Variants in HSF2BP observed in about 807,000 individuals in gnomAD.
HSF2BP encodes heat shock factor 2-binding protein.
In HSF2BP, 35 loss-of-function variants were observed where a neutral mutation model predicts 35.0. That is an observed-to-expected ratio of 1.00 (90% confidence interval 0.76 to 1.32). The LOEUF is 1.32. Among genes scored for constraint, HSF2BP ranks in the 40% most tolerant of loss-of-function variants. The pLI is 0.00. For synonymous variants in HSF2BP, 114 were observed against 117.4 expected, an observed-to-expected ratio of 0.97 and a Z score of 0.18; for missense variants, 326 against 321.7, an observed-to-expected ratio of 1.01 and a Z score of -0.10.
intron 3 of HSF2BP, among the ~76,000 whole-genome samples, chr21:43,645,773 C>T (rs892195178): frequency 2.6e-5 from 4 of 152,012 alleles, no homozygotes; most frequent in Admixed American, 1.3e-4. Flanking sequence ...AAACGAGAAG[C>T]GGGTAGGGCT....
chr21:43,657,809 GGCGCCAC>G, intron 2 of HSF2BP: 5 of 983,730 alleles, frequency 5.1e-6, no homozygotes, highest in Non-Finnish European at 6.0e-6. Context: ...TGCCCGCTTT[GGCGCCAC>G]TGAGTGCCCC....
At chr21:43,626,637 A>AT (rs1320473103) in intron 6 of HSF2BP, among the ~76,000 whole-genome samples, 2 of 152,206 alleles carry the variant, frequency 1.3e-5, no homozygotes, top group African/African-American at 4.8e-5. Context: ...GTCTCTGCCT[A>AT]TATCAGTGAT....
At chr21:43,653,568 C>A (rs987438807) in intron 3 of HSF2BP, among the ~76,000 whole-genome samples, 2 of 152,138 alleles carry the variant, frequency 1.3e-5, no homozygotes, top group African/African-American at 4.8e-5. Flanking sequence ...TAATATAAAG[C>A]CTTTTAAGCC....
intron 7 of HSF2BP, among the ~76,000 whole-genome samples, chr21:43,596,906 G>T (rs1202479539): frequency 7.5e-6 from 1 of 133,748 alleles, no homozygotes; most frequent in Non-Finnish European, 1.6e-5. Context: ...AAAAAAAAAA[G>T]AGAATTTTTT....
At position 43,658,244 on chromosome 21, in the gene HSF2BP, G is replaced by T. The variant is rs2082908301; in HGVS notation, c.-148C>A. 1.1e-6 allele frequency: 1 copy of T among 935,712 alleles called. No individual in the cohort carries two copies. The highest frequency in any genetic ancestry group is 3.2e-5 in the Admixed American group (1 of 31,510). The allele number at this position is 935,712 out of a possible 1,614,324, so 58.0% of individuals were successfully genotyped here. The stretch of plus-strand genomic sequence containing the variant: ...TCCCAGAATTTGCGCAGTATTCTCG[G>T]CCTAGAGAGCGAGGAGTGGCCTTGG... On this transcript the variant is annotated 5_prime_UTR_variant, in exon 2 of 9. Coordinates refer to ENST00000291560, the MANE Select transcript of HSF2BP (RefSeq NM_007031.2).
chr21:43,617,773 G>A (rs559668446), intron 6 of HSF2BP, among the ~76,000 whole-genome samples: 10 of 152,018 alleles, frequency 6.6e-5, no homozygotes, highest in Non-Finnish European at 8.8e-5. Context: ...GGCCAACATG[G>A]AGAAACCCCA....
At chr21:43,588,075 T>C (rs13339951) in intron 8 of HSF2BP, among the ~76,000 whole-genome samples, 6,822 of 152,204 alleles carry the variant, frequency 0.045, 519 homozygotes, top group African/African-American at 0.15. Context: ...GTCAACTAAA[T>C]GTGAGAAGTC....
intron 5 of HSF2BP, among the ~76,000 whole-genome samples, chr21:43,632,082 T>C (rs1380864702): frequency 9.1e-5 from 1 of 10,964 alleles, no homozygotes; most frequent in Non-Finnish European, 1.6e-4. Context: ...ATACACACGC[T>C]CCCACACACA....
chr21:43,626,107 C>T (rs768542847), intron 6 of HSF2BP, among the ~76,000 whole-genome samples: 3 of 152,278 alleles, frequency 2.0e-5, no homozygotes, highest in South Asian at 4.1e-4. Flanking sequence ...CCATGATGAA[C>T]GTATAGAATG....
At chr21:43,624,718 C>G (rs950088969) in intron 6 of HSF2BP, among the ~76,000 whole-genome samples, 1 of 152,128 alleles carries the variant, frequency 6.6e-6, no homozygotes, top group Admixed American at 6.5e-5. Flanking sequence ...AATACATAAA[C>G]CAGAGACAAG....
chr21:43,595,009 C>A (rs564831324), intron 7 of HSF2BP, among the ~76,000 whole-genome samples: 53 of 152,114 alleles, frequency 3.5e-4, no homozygotes, highest in Admixed American at 5.9e-4. Flanking sequence ...ACCTGTAATC[C>A]CAGCACTTTG....
chr21:43,618,560 C>A (rs1434755198), intron 6 of HSF2BP, among the ~76,000 whole-genome samples: 1 of 152,086 alleles, frequency 6.6e-6, no homozygotes, highest in East Asian at 1.9e-4. Flanking sequence ...AACTGGATAT[C>A]CACATGCAAA....
intron 4 of HSF2BP, among the ~76,000 whole-genome samples, chr21:43,633,841 T>C (rs1309079646): frequency 6.6e-6 from 1 of 152,150 alleles, no homozygotes; most frequent in Non-Finnish European, 1.5e-5. Context: ...GCTCACTCCA[T>C]TGAAAAAACG....
intron 8 of HSF2BP, among the ~76,000 whole-genome samples, chr21:43,591,691 A>C (rs1221582697): frequency 6.6e-6 from 1 of 152,220 alleles, no homozygotes; most frequent in Non-Finnish European, 1.5e-5. Context: ...CCACAGTTTC[A>C]CTTAGCCAGT....
At chr21:43,657,775 G>GT (rs2082895377) in intron 2 of HSF2BP, 3 of 914,110 alleles carry the variant, frequency 3.3e-6, no homozygotes, top group Non-Finnish European at 3.9e-6. Context: ...AGAGAAGAGA[G>GT]TGACCATCCA....
chr21:43,606,212 T>C (rs1313283005), intron 7 of HSF2BP, among the ~76,000 whole-genome samples: 1 of 151,816 alleles, frequency 6.6e-6, no homozygotes, highest in African/African-American at 2.4e-5. Flanking sequence ...AGAAAGGACA[T>C]AGAAGAGGAT....
At chr21:43,595,866 A>G (rs2081980637) in intron 7 of HSF2BP, among the ~76,000 whole-genome samples, 1 of 149,044 alleles carries the variant, frequency 6.7e-6, no homozygotes, top group Admixed American at 6.8e-5. Flanking sequence ...CTGGGATTAC[A>G]GGCATATGCC....
chr21:43,640,178 G>T (rs2082617100), intron 4 of HSF2BP, among the ~76,000 whole-genome samples: 1 of 152,194 alleles, frequency 6.6e-6, no homozygotes, highest in African/African-American at 2.4e-5. Flanking sequence ...ACATGTGCCT[G>T]TGGACCTAGC....
chr21:43,589,146 C>T (rs1410306032), intron 8 of HSF2BP, among the ~76,000 whole-genome samples: 3 of 152,180 alleles, frequency 2.0e-5, no homozygotes, highest in Non-Finnish European at 4.4e-5. Context: ...GAACCCCAAG[C>T]TCTGGCTGAA....
Sources: allele counts gnomAD v4.1 joint callset (sites outside exome capture counted in the v4.1 genomes callset), GRCh38; gene constraint gnomAD v4.1.1; transcripts MANE v1.5; gene names NCBI Gene and HGNC (gene_info 2026-07-23, HGNC 2026-07-21).